The following SCEL variants were observed in gnomAD, a reference collection of about 807,000 sequenced individuals.
SCEL encodes sciellin.
Under a neutral mutation model 117.6 loss-of-function variants are expected in SCEL, and 113 were observed. The ratio of observed to expected loss-of-function variants is 0.96; its 90% CI spans 0.83 to 1.12. The LOEUF (loss-of-function observed/expected upper bound fraction) is 1.12. SCEL is among the 50% of genes most tolerant of loss of function. SCEL has a pLI of 0.00. For missense variants in SCEL, 785 were observed against 810.8 expected (o/e 0.97, Z 0.39); for synonymous variants, 270 against 256.2 (o/e 1.05, Z -0.51).
At chr13:77,583,835 T>C (rs2154399191) in intron 9 of SCEL, among the ~76,000 whole-genome samples, 1 of 152,304 alleles carries the variant, frequency 6.6e-6, no homozygotes, top group South Asian at 2.1e-4. Context: ...GAGCCAAGCA[T>C]GTTATGCAAA....
intron 27 of SCEL, among the ~76,000 whole-genome samples, chr13:77,620,814 C>T (rs2089369300): frequency 1.3e-5 from 2 of 151,776 alleles, no homozygotes; most frequent in Non-Finnish European, 2.9e-5. Context: ...AAAAAATACT[C>T]TTAACTGTTT....
intron 27 of SCEL, among the ~76,000 whole-genome samples, chr13:77,624,001 G>GCAGGGTTGGTTCCTTCCA: frequency 6.6e-6 from 1 of 152,104 alleles, no homozygotes; most frequent in South Asian, 2.1e-4. Flanking sequence ...CAAGCTGTCA[G>GCAGGGTTGGTTCCTTCCA]CAGGGTTGGT....
chr13:77,597,627 G>A, intron 13 of SCEL, 38 bp downstream of exon 13: 1 of 1,216,768 alleles, frequency 8.2e-7, no homozygotes, highest in Non-Finnish European at 1.2e-6. Flanking sequence ...TTACTGAGTT[G>A]CATATTGTGA....
intron 24 of SCEL, 59 bp from the exon 25 acceptor site, chr13:77,617,540 T>C (rs2089142703): frequency 1.0e-6 from 1 of 988,722 alleles, no homozygotes; most frequent in Admixed American, 2.2e-5. Context: ...CATTTCCAAT[T>C]ACCTTAAACC....
intron 6 of SCEL, 25 bp from the exon 7 acceptor site, chr13:77,568,270 C>G (rs2085395826): frequency 2.0e-6 from 3 of 1,502,056 alleles, no homozygotes; most frequent in Admixed American, 1.8e-5. Flanking sequence ...ATTGTTCAAA[C>G]TTTGCTTTCT....
chr13:77,601,393 A>T (rs1347573475), intron 15 of SCEL, among the ~76,000 whole-genome samples: 1 of 152,172 alleles, frequency 6.6e-6, no homozygotes, highest in Non-Finnish European at 1.5e-5. Context: ...TCTTTCTCAC[A>T]TTGAAATAAC....
intron 2 of SCEL, among the ~76,000 whole-genome samples, 158 bp downstream of exon 2, chr13:77,556,076 G>T (rs891570534): frequency 6.6e-6 from 1 of 152,054 alleles, no homozygotes; most frequent in Non-Finnish European, 1.5e-5. Context: ...TATACTTGTC[G>T]CAGCTTTTAG....
In SCEL at chr13:77,574,916, C is replaced by T. The variant is rs569744041; in HGVS notation, c.545+2727C>T. On this transcript the variant is annotated intron_variant, in intron 9 of 32. Transcript: ENST00000349847. ...AAGAATTTTCTCGTAAGACTGACAC[C>T]CTCACTTTTTCTGTTCTTAATTTTG... Among the ~76,000 whole-genome samples, 346 of 152,190 alleles carry T rather than the reference C, an allele frequency of 2.3e-3. 1 individual carries two copies. Among genetic ancestry groups the T allele is most frequent in the Middle Eastern group, 0.01 (3 of 292 alleles).
intron 9 of SCEL, among the ~76,000 whole-genome samples, chr13:77,575,273 A>G (rs2085875698): frequency 6.6e-6 from 1 of 152,168 alleles, no homozygotes. Context: ...TTATCAACAG[A>G]AGAGCTCATA....
intron 19 of SCEL, 46 bp from the exon 20 acceptor site, chr13:77,608,009 CA>C: frequency 2.1e-6 from 3 of 1,406,142 alleles, no homozygotes; most frequent in Non-Finnish European, 3.0e-6. Flanking sequence ...GTCAGTCTAC[CA>C]TTGTTACGTG....
chr13:77,559,687 G>A, intron 3 of SCEL, 117 bp from the exon 4 acceptor site: 1 of 740,488 alleles, frequency 1.4e-6, no homozygotes, highest in Non-Finnish European at 2.3e-6. Context: ...CACAACTGAA[G>A]TAAAATGAAT....
At chr13:77,628,539 A>C (rs1295678984) in intron 28 of SCEL, among the ~76,000 whole-genome samples, 1 of 152,146 alleles carries the variant, frequency 6.6e-6, no homozygotes, top group Non-Finnish European at 1.5e-5. Flanking sequence ...TGGCCATTAC[A>C]AGAAAGGTTA....
At chr13:77,564,839 A>C (rs2085196094) in intron 5 of SCEL, among the ~76,000 whole-genome samples, 2 of 152,216 alleles carry the variant, frequency 1.3e-5, no homozygotes, top group South Asian at 4.1e-4. Flanking sequence ...TAGGCTTTCA[A>C]GTCAGTCACC....
intron 5 of SCEL, 54 bp from the exon 6 acceptor site, chr13:77,567,626 G>A: frequency 1.6e-6 from 2 of 1,237,846 alleles, no homozygotes; most frequent in Non-Finnish European, 1.2e-6. Context: ...TGGTCTGAAA[G>A]GAGTTTGATA....
rs1270023720 is a variant in SCEL, at chr13:77,590,010, C to T, written c.626+786C>T. Among the ~76,000 whole-genome samples, 3 of 152,238 alleles carry T rather than the reference C, an allele frequency of 2.0e-5. No individual in the cohort carries two copies. In the East Asian group the frequency reaches 5.8e-4, roughly 29 times the overall value. On this transcript the variant is annotated intron_variant, in intron 10 of 32. Transcript: ENST00000349847. ...ATAGTAACTCAACGGAGATTGACTA[C>T]ATTACATCTCCTTGATTGCCTACTG...
intron 5 of SCEL, among the ~76,000 whole-genome samples, chr13:77,564,501 T>C (rs969869097): frequency 5.9e-5 from 9 of 152,176 alleles, no homozygotes. Flanking sequence ...ATAGGGCAAC[T>C]TCTATTCAGG....
intron 9 of SCEL, among the ~76,000 whole-genome samples, chr13:77,587,306 C>T (rs142696984): frequency 0.013 from 2,031 of 152,000 alleles, 52 homozygotes; most frequent in African/African-American, 0.046. Context: ...TGCCTTAGGT[C>T]CCATCAATTC....
chr13:77,552,165 G>T (rs1567339794), intron 1 of SCEL, among the ~76,000 whole-genome samples: 1 of 151,878 alleles, frequency 6.6e-6, no homozygotes, highest in Non-Finnish European at 1.5e-5. Context: ...ACGTGTGCAT[G>T]TGTCTTTATA....
At chr13:77,622,619 T>C (rs1012842770) in intron 27 of SCEL, among the ~76,000 whole-genome samples, 5 of 152,184 alleles carry the variant, frequency 3.3e-5, no homozygotes, top group Non-Finnish European at 2.9e-5. Flanking sequence ...TCTGGTACTT[T>C]GGGAGGCTGA....
Sources: gnomAD v4.1 joint callset for allele counts (sites outside exome capture counted in the v4.1 genomes callset) on GRCh38, gnomAD v4.1.1 for gene constraint, MANE v1.5 for transcripts, NCBI Gene and HGNC (gene_info 2026-07-23, HGNC 2026-07-21) for gene names.